ERMP1: variants seen among roughly 807,000 people sequenced by gnomAD.
ERMP1 encodes the protein endoplasmic reticulum metallopeptidase 1.
Under a neutral mutation model 92.0 loss-of-function variants are expected in ERMP1, and 86 were observed. The ratio of observed to expected loss-of-function variants is 0.93; its 90% confidence interval spans 0.79 to 1.12. The LOEUF (loss-of-function observed/expected upper bound fraction) is 1.12. ERMP1 is among the 50% of genes most tolerant of loss of function. The probability of loss-of-function intolerance (pLI) is 0.00; values close to 1 mark genes in which losing one functional copy is unlikely to be tolerated. For synonymous variants in ERMP1, 530 were observed against 412.8 expected, an observed-to-expected ratio of 1.28 and a Z score of -3.44; for missense variants, 1,342 against 1,116.3, an observed-to-expected ratio of 1.20 and a Z score of -2.88.
chr9:5,823,518 G>A (rs979653523), intron 4 of ERMP1, among the ~76,000 whole-genome samples: 1 of 152,138 alleles, frequency 6.6e-6, no homozygotes, highest in African/African-American at 2.4e-5. Flanking sequence ...TCTGGACCCG[G>A]ACTGTCTAGG....
chr9:5,829,930 A>C (rs1248037740), intron 2 of ERMP1, among the ~76,000 whole-genome samples: 1 of 152,252 alleles, frequency 6.6e-6, no homozygotes, highest in African/African-American at 2.4e-5. Context: ...TGGAAGTTCA[A>C]TTTAGGGGAT....
chr9:5,864,768 C>T (rs777482244), intron 5 of ERMP1, among the ~76,000 whole-genome samples: 2 of 152,168 alleles, frequency 1.3e-5, no homozygotes, highest in Admixed American at 1.3e-4. Context: ...TTCCCTGAGG[C>T]TCCATTCTGA....
At chr9:5,853,208 G>A (rs1245936468) in intron 6 of ERMP1, among the ~76,000 whole-genome samples, 2 of 152,164 alleles carry the variant, frequency 1.3e-5, no homozygotes, top group Non-Finnish European at 2.9e-5. Flanking sequence ...TTCTGATACA[G>A]GAGAAGGGTG....
intron 13 of ERMP1, among the ~76,000 whole-genome samples, chr9:5,796,230 G>A (rs1586771531): frequency 6.6e-6 from 1 of 152,142 alleles, no homozygotes; most frequent in South Asian, 2.1e-4. Context: ...TACATGGAAA[G>A]GCAAAAGACA....
intron 13 of ERMP1, 143 bp downstream of exon 13, chr9:5,797,674 C>G (rs1828488950): frequency 1.6e-6 from 1 of 608,864 alleles, no homozygotes; most frequent in Non-Finnish European, 2.9e-6. Context: ...GAAGTCATAA[C>G]CAGCTTCAAT....
rs906071430 is a variant in ERMP1 at position 5,804,398 on chromosome 9, A to G, written c.1914+629T>C. ...TTCCCTCTGGGAATCCCAAGGGAAG[A>G]AAAAAAGGGATGGCAAACACAGGAC... On this transcript the variant is annotated intron_variant, in intron 10 of 14. Transcript: ENST00000339450. 1.3e-5 allele frequency among the ~76,000 whole-genome samples: 2 copies of G among 152,092 alleles called. 1 individual carries two copies. The highest frequency in any genetic ancestry group is 4.1e-4 in the South Asian group (2 of 4,822).
intron 4 of ERMP1, among the ~76,000 whole-genome samples, chr9:5,817,339 G>A (rs1435271859): frequency 1.3e-5 from 2 of 151,992 alleles, no homozygotes; most frequent in African/African-American, 4.8e-5. Flanking sequence ...ACAAGCGCCC[G>A]CCACCATGCC....
At chr9:5,832,191 T>C (rs886454688) in intron 1 of ERMP1, among the ~76,000 whole-genome samples, 24 of 152,096 alleles carry the variant, frequency 1.6e-4, no homozygotes, top group African/African-American at 5.6e-4. Flanking sequence ...AAATTTTGAC[T>C]GGGCGGTGTT....
intron 6 of ERMP1, chr9:5,856,165 T>A (rs140176686): frequency 9.8e-6 from 3 of 304,740 alleles, no homozygotes; most frequent in Non-Finnish European, 2.0e-5. Context: ...AGGGCATTGG[T>A]TTGTCCTAAA....
At chr9:5,832,491 A>T (rs1829985983) in intron 1 of ERMP1, 199 bp downstream of exon 1, 2 of 477,978 alleles carry the variant, frequency 4.2e-6, no homozygotes, top group African/African-American at 4.1e-5. Flanking sequence ...TTAACCGGGG[A>T]CAGGCAAGCC....
chr9:5,805,031 T>A lies in ERMP1; in HGVS notation c.1910A>T (p.Tyr637Phe). ...LAGCTMILSS[Y>F]FINFIYLAKS... The stretch of plus-strand genomic sequence containing the variant: ...AAAAAACTTATTTTCTCTTACAAAA[T>A]AGGACGAGAGAATCATTGTACAGCC... Residue 637 changes from tyrosine (Y) to phenylalanine (F), a missense_variant, in exon 10 of 15, where the codon TAT becomes TTT. Tyr to Phe is a conservative substitution (Grantham distance 22, BLOSUM62 3). Transcript: ENST00000339450. The A allele has an allele frequency of 6.3e-7, 1 of 1,597,180 alleles. No individual in the cohort carries two copies. The highest frequency in any genetic ancestry group is 8.5e-7 in the Non-Finnish European group (1 of 1,176,036).
Position 5,830,667 on chromosome 9 carries a change from T to G in ERMP1, c.640+60A>C, listed in dbSNP as rs1829904451. The stretch of plus-strand genomic sequence containing the variant: ...CACAATTGCCCAAGTAGCTTGGGGT[T>G]ATGTTAATAAACTTTCTGGGCTGTG... On this transcript the variant is annotated intron_variant, in intron 2 of 14. Transcript: ENST00000339450. 2.9e-6 allele frequency: 4 copies of G among 1,402,092 alleles called. No individual in the cohort carries two copies. The South Asian group carries it at 5.4e-5, about 19-fold the overall frequency. The allele number at this position is 1,402,092 out of a possible 1,614,324, so 86.9% of individuals were successfully genotyped here.
At chr9:5,822,712 G>A (rs993096305) in intron 4 of ERMP1, among the ~76,000 whole-genome samples, 1 of 152,128 alleles carries the variant, frequency 6.6e-6, no homozygotes, top group Non-Finnish European at 1.5e-5. Context: ...TTCTAACAGG[G>A]CAGGGAAATG....
chr9:5,863,156 A>G (rs1830552835), intron 5 of ERMP1, among the ~76,000 whole-genome samples: 1 of 152,324 alleles, frequency 6.6e-6, no homozygotes, highest in East Asian at 1.9e-4. Context: ...TTAGGCTAGT[A>G]CTGCCAGTTT....
At chr9:5,860,405 G>A (rs1486431478) in intron 5 of ERMP1, among the ~76,000 whole-genome samples, 1 of 152,088 alleles carries the variant, frequency 6.6e-6, no homozygotes, top group African/African-American at 2.4e-5. Flanking sequence ...CAGGAGCTCT[G>A]TTCCATTCAT....
chr9:5,813,166 C>T, intron 4 of ERMP1, 131 bp from the exon 5 acceptor site: 2 of 825,390 alleles, frequency 2.4e-6, no homozygotes, highest in South Asian at 3.6e-5. Flanking sequence ...ACCTTTTCAT[C>T]CCTTTTTCTG....
chr9:5,850,791 G>A (rs896409579), intron 6 of ERMP1, among the ~76,000 whole-genome samples: 1 of 152,110 alleles, frequency 6.6e-6, no homozygotes, highest in East Asian at 1.9e-4. Flanking sequence ...TGTGAACAGT[G>A]GTACCAAATG....
Position 5,787,523 on chromosome 9 carries a change from A to G in ERMP1, c.2457T>C (p.Asn819=), listed in dbSNP as rs1827994494. 1.2e-6 allele frequency: 2 copies of G among 1,614,188 alleles called. No homozygotes were observed. Among genetic ancestry groups the G allele is most frequent in the Non-Finnish European group, 1.7e-6 (2 of 1,179,988 alleles). Residue 819 remains asparagine (N), a synonymous_variant, in exon 14 of 15, where the codon AAT becomes AAC. Coordinates refer to ENST00000339450, the MANE Select transcript of ERMP1 (RefSeq NM_024896.3). The part of the protein sequence containing the change: ...GSTLSQWSLG[N]GTPVTSKGGD... ...CTCCTTTACTTGTGACTGGGGTGCC[A>G]TTGCCAAGAGACCACTGAGAAAGTG...
At chr9:5,830,147 T>C (rs1829884235) in intron 2 of ERMP1, among the ~76,000 whole-genome samples, 2 of 152,212 alleles carry the variant, frequency 1.3e-5, no homozygotes, top group South Asian at 4.1e-4. Context: ...AGGACAGCTT[T>C]GAATGCAGCC....
Sources: allele counts gnomAD v4.1 joint callset (sites outside exome capture counted in the v4.1 genomes callset), GRCh38; gene constraint gnomAD v4.1.1; transcripts MANE v1.5; gene names NCBI Gene and HGNC (gene_info 2026-07-23, HGNC 2026-07-21).